LRRC37A2: variants seen among roughly 807,000 people sequenced by gnomAD.
The protein encoded by LRRC37A2 is leucine rich repeat containing 37 member A2.
In LRRC37A2, 9 loss-of-function variants were observed where a neutral mutation model predicts 68.8. The observed-to-expected ratio is 0.13, with a 90% CI of 0.08 to 0.23. LRRC37A2 has a LOEUF of 0.23. Ranked by LOEUF, LRRC37A2 falls within the 10% of genes least tolerant of loss-of-function variation. The pLI is 1.00. For missense variants in LRRC37A2, 168 were observed against 950.4 expected, an observed-to-expected ratio of 0.18 and a Z score of 10.82; for synonymous variants, 63 against 367.6, an observed-to-expected ratio of 0.17 and a Z score of 9.48.
At chr17:46,970,591 A>G in the LRRC37A2 span, among the ~76,000 whole-genome samples, 1 of 151,228 alleles carries the variant, frequency 6.6e-6, no homozygotes, top group Non-Finnish European at 1.5e-5. Context: ...ACGCTGCAAC[A>G]TGAGGACTCC....
At chr17:46,842,683 A>G in the LRRC37A2 span, among the ~76,000 whole-genome samples, 2 of 152,166 alleles carry the variant, frequency 1.3e-5, no homozygotes, top group Non-Finnish European at 2.9e-5. Flanking sequence ...TTAAACTTTT[A>G]TTCAAAGTCC....
intron 6 of LRRC37A2, among the ~76,000 whole-genome samples, chr17:46,534,750 C>T (rs1164757016): frequency 6.7e-6 from 1 of 150,044 alleles, no homozygotes; most frequent in Non-Finnish European, 1.5e-5. Context: ...CAGAGGGGCT[C>T]CTCACTTCCC....
At chr17:46,722,306 C>T in the LRRC37A2 span, 34 of 732,650 alleles carry the variant, frequency 4.6e-5, 1 homozygote, top group Admixed American at 7.0e-4. Context: ...TTACCTCCAG[C>T]CTCAGTCCTC....
chr17:46,858,104 A>G, the LRRC37A2 span, among the ~76,000 whole-genome samples: 1 of 151,988 alleles, frequency 6.6e-6, no homozygotes, highest in East Asian at 1.9e-4. Flanking sequence ...TAATTTTTGT[A>G]TTTGTAGTAG....
chr17:46,935,645 T>G, the LRRC37A2 span: 1 of 1,002,850 alleles, frequency 1.0e-6, no homozygotes, highest in Non-Finnish European at 1.2e-6. Flanking sequence ...GCTGCCTGGT[T>G]GTTTGCAGTA....
chr17:46,929,514 T>C, the LRRC37A2 span: 1 of 1,503,174 alleles, frequency 6.7e-7, no homozygotes, highest in Non-Finnish European at 9.3e-7. Flanking sequence ...CCTCTTCCTT[T>C]GATAGGCAGG....
At chr17:46,715,260 T>C in the LRRC37A2 span, among the ~76,000 whole-genome samples, 1 of 152,222 alleles carries the variant, frequency 6.6e-6, no homozygotes, top group African/African-American at 2.4e-5. Flanking sequence ...GTGAAACCAA[T>C]AGTATCTGTC....
At chr17:46,934,823 T>C in the LRRC37A2 span, among the ~76,000 whole-genome samples, 1 of 152,098 alleles carries the variant, frequency 6.6e-6, no homozygotes. Context: ...ATTTGGAGAG[T>C]GACAGATCTG....
the LRRC37A2 span, chr17:46,885,605 C>T: frequency 6.6e-6 from 1 of 152,230 alleles, no homozygotes; most frequent in South Asian, 2.1e-4. Flanking sequence ...GCCCGGCCGC[C>T]TTAGCATTTT....
At chr17:46,960,148 C>T in the LRRC37A2 span, among the ~76,000 whole-genome samples, 1 of 152,140 alleles carries the variant, frequency 6.6e-6, no homozygotes. Flanking sequence ...GGAAAGAGCT[C>T]TCAAAGCTCA....
At chr17:46,874,644 C>G in the LRRC37A2 span, among the ~76,000 whole-genome samples, 1 of 152,180 alleles carries the variant, frequency 6.6e-6, no homozygotes, top group Non-Finnish European at 1.5e-5. Context: ...ATGGCGCAAT[C>G]TCAGCTCACT....
At chr17:46,875,071 C>T in the LRRC37A2 span, 24 of 1,613,450 alleles carry the variant, frequency 1.5e-5, 1 homozygote, top group Non-Finnish European at 2.0e-5. Context: ...CCCTTTCCTC[C>T]CTCCCTATGC....
At chr17:46,695,229 G>A in the LRRC37A2 span, among the ~76,000 whole-genome samples, 12 of 141,416 alleles carry the variant, frequency 8.5e-5, no homozygotes, top group Middle Eastern at 3.5e-3. Context: ...CTGGGTGACA[G>A]AGCGAGATTC....
chr17:46,785,973 G>A, the LRRC37A2 span, among the ~76,000 whole-genome samples: 1 of 152,218 alleles, frequency 6.6e-6, no homozygotes, highest in Non-Finnish European at 1.5e-5. Context: ...TGACAAGACC[G>A]CCTGAAAAAT....
chr17:47,000,041 A>C, the LRRC37A2 span, among the ~76,000 whole-genome samples: 2 of 26,708 alleles, frequency 7.5e-5, no homozygotes, highest in African/African-American at 1.4e-4. Flanking sequence ...AATAAAATAA[A>C]ATAAAATAAA....
the LRRC37A2 span, among the ~76,000 whole-genome samples, chr17:46,769,367 C>G: frequency 6.6e-6 from 1 of 151,990 alleles, no homozygotes; most frequent in Non-Finnish European, 1.5e-5. Flanking sequence ...GGAGTTATCT[C>G]CATTTAACAC....
At chr17:46,718,583 A>G in the LRRC37A2 span, among the ~76,000 whole-genome samples, 1 of 152,226 alleles carries the variant, frequency 6.6e-6, no homozygotes, top group East Asian at 1.9e-4. Flanking sequence ...TAGGGAAATT[A>G]CTGCCCCCAT....
chr17:46,742,023 A>G, the LRRC37A2 span, among the ~76,000 whole-genome samples: 2 of 152,084 alleles, frequency 1.3e-5, no homozygotes, highest in African/African-American at 2.4e-5. Context: ...CAAAGTGTTG[A>G]GATTATAGGT....
At chr17:47,013,561 G>A in the LRRC37A2 span, among the ~76,000 whole-genome samples, 1 of 152,258 alleles carries the variant, frequency 6.6e-6, no homozygotes, top group South Asian at 2.1e-4. Flanking sequence ...TAGAGTCGTG[G>A]TTCCCTGTTG....
Sources: gnomAD v4.1 joint callset for allele counts (sites outside exome capture counted in the v4.1 genomes callset) on GRCh38, gnomAD v4.1.1 for gene constraint, MANE v1.5 for transcripts, NCBI Gene and HGNC (gene_info 2026-07-23, HGNC 2026-07-21) for gene names.